The following CFAP54 variants were observed in gnomAD, a reference collection of about 807,000 sequenced individuals.
CFAP54 encodes cilia and flagella associated protein 54.
CFAP54 carries 290 observed loss-of-function variants against 370.4 expected under a neutral mutation model. That is an observed-to-expected ratio of 0.78 (90% CI 0.71 to 0.86). CFAP54 has a LOEUF of 0.86. Ranked by LOEUF, CFAP54 falls within the 40% of genes least tolerant of loss-of-function variation. The pLI, the probability that CFAP54 is intolerant of heterozygous loss-of-function variation, is 0.00. For synonymous variants in CFAP54, 1,206 were observed against 1,236.5 expected (o/e 0.98, Z 0.52); for missense variants, 3,399 against 3,528.7 (o/e 0.96, Z 0.93).
At chr12:96,758,886 C>T (rs1359053443) in intron 58 of CFAP54, among the ~76,000 whole-genome samples, 1 of 152,166 alleles carries the variant, frequency 6.6e-6, no homozygotes, top group East Asian at 1.9e-4. Flanking sequence ...TGCCGCCGGT[C>T]TGTGGGCCAC....
chr12:96,854,542 C>T (rs1464784279), intron 66 of CFAP54, among the ~76,000 whole-genome samples: 2 of 151,972 alleles, frequency 1.3e-5, no homozygotes, highest in African/African-American at 4.8e-5. Flanking sequence ...ATTGAAAGCA[C>T]TTGTGTACAA....
At chr12:96,842,933 A>G (rs1959237245) in intron 66 of CFAP54, among the ~76,000 whole-genome samples, 1 of 152,216 alleles carries the variant, frequency 6.6e-6, no homozygotes, top group Admixed American at 6.5e-5. Context: ...TGCTATAAGA[A>G]ATTGCCAGTT....
intron 4 of CFAP54, among the ~76,000 whole-genome samples, chr12:96,512,651 A>G (rs894630329): frequency 6.6e-6 from 1 of 151,946 alleles, no homozygotes; most frequent in Non-Finnish European, 1.5e-5. Context: ...GGAACCAGTA[A>G]TATTTTATAT....
rs148400282 is a variant in CFAP54, at chr12:96,766,568, AG to A, written c.8281+1351del. On this transcript the variant is annotated intron_variant, in intron 60 of 67. Transcript: ENST00000524981. ...CATTATTGTACAGTATTAATAATCA[AG>A]AGATTCAGTTGACATCCTAGCTCTC... Among the ~76,000 whole-genome samples the A allele has an allele frequency of 2.4e-3, 364 of 152,264 alleles. 2 individuals carry two copies. The highest frequency in any genetic ancestry group is 0.024 in the East Asian group (122 of 5,176).
At chr12:96,587,727 T>G (rs912549237) in intron 22 of CFAP54, among the ~76,000 whole-genome samples, 13 of 152,202 alleles carry the variant, frequency 8.5e-5, no homozygotes, top group Admixed American at 5.9e-4. Flanking sequence ...TCACCAACCC[T>G]CTTACACATC....
At chr12:96,838,912 A>G (rs1175671073) in intron 66 of CFAP54, among the ~76,000 whole-genome samples, 2 of 152,226 alleles carry the variant, frequency 1.3e-5, no homozygotes, top group Non-Finnish European at 2.9e-5. Context: ...CCAAAGCCAC[A>G]CAGCTGGTAA....
intron 63 of CFAP54, among the ~76,000 whole-genome samples, chr12:96,803,718 T>C (rs893033028): frequency 6.6e-6 from 1 of 152,022 alleles, no homozygotes. Flanking sequence ...CAACAACATA[T>C]ATACACCCTC....
chr12:96,703,140 G>A (rs1387417258), intron 46 of CFAP54, among the ~76,000 whole-genome samples: 1 of 152,016 alleles, frequency 6.6e-6, no homozygotes, highest in Non-Finnish European at 1.5e-5. Context: ...TATCGTTTTG[G>A]GAGGTTCCCT....
chr12:96,589,900 C>G (rs1014710925), intron 23 of CFAP54, among the ~76,000 whole-genome samples: 3 of 152,120 alleles, frequency 2.0e-5, no homozygotes, highest in Non-Finnish European at 4.4e-5. Flanking sequence ...GTGTGCACCA[C>G]CACGCCCTGC....
intron 65 of CFAP54, among the ~76,000 whole-genome samples, chr12:96,825,779 T>A (rs1592788566): frequency 7.8e-6 from 1 of 128,200 alleles, no homozygotes; most frequent in Non-Finnish European, 1.5e-5. Flanking sequence ...ATATTACATA[T>A]TATGTAACAT....
chr12:96,647,467 T>C (rs1213040073), intron 33 of CFAP54, among the ~76,000 whole-genome samples: 1 of 25,154 alleles, frequency 4.0e-5, no homozygotes, highest in Non-Finnish European at 9.1e-5. Flanking sequence ...AGCGAGACTC[T>C]GTCCCAAAAA....
At chr12:96,712,356 A>G (rs1957625382) in intron 48 of CFAP54, among the ~76,000 whole-genome samples, 1 of 152,118 alleles carries the variant, frequency 6.6e-6, no homozygotes, top group Non-Finnish European at 1.5e-5. Context: ...AAATTCTCAT[A>G]TGTACCAGGT....
intron 55 of CFAP54, among the ~76,000 whole-genome samples, chr12:96,745,374 C>G (rs927130629): frequency 6.6e-6 from 1 of 152,128 alleles, no homozygotes; most frequent in Admixed American, 6.5e-5. Context: ...TTAATAATAG[C>G]CATTCTGACT....
At chr12:96,539,871 T>C (rs970323625) in intron 13 of CFAP54, among the ~76,000 whole-genome samples, 9 of 152,156 alleles carry the variant, frequency 5.9e-5, no homozygotes, top group Non-Finnish European at 1.2e-4. Context: ...TTGAATATTA[T>C]AACCTGGAAA....
intron 39 of CFAP54, among the ~76,000 whole-genome samples, chr12:96,671,623 G>A (rs577888398): frequency 1.7e-3 from 260 of 152,216 alleles, no homozygotes; most frequent in Non-Finnish European, 3.3e-3. Context: ...TGTACCTATA[G>A]AAAGTCATTG....
intron 26 of CFAP54, among the ~76,000 whole-genome samples, chr12:96,613,129 C>A (rs984364689): frequency 1.5e-4 from 23 of 152,208 alleles, no homozygotes; most frequent in African/African-American, 5.3e-4. Flanking sequence ...AAGTAAAGCA[C>A]TCCTTAGCAA....
At chr12:96,784,094 C>A (rs565255262) in intron 60 of CFAP54, among the ~76,000 whole-genome samples, 8 of 152,258 alleles carry the variant, frequency 5.3e-5, no homozygotes, top group African/African-American at 1.9e-4. Context: ...TTTAAAGTTT[C>A]CTTTTTTAAT....
chr12:96,619,460 C>T (rs974244375), intron 26 of CFAP54, among the ~76,000 whole-genome samples: 2 of 128,550 alleles, frequency 1.6e-5, no homozygotes, highest in African/African-American at 5.9e-5. Flanking sequence ...TTGAGTCTTT[C>T]TTCTTTAAGC....
At chr12:96,686,289 C>T (rs556840437) in intron 42 of CFAP54, among the ~76,000 whole-genome samples, 1 of 152,186 alleles carries the variant, frequency 6.6e-6, no homozygotes, top group Non-Finnish European at 1.5e-5. Context: ...GATTAGGGCC[C>T]ACCTCTGTGG....
Sources: allele counts gnomAD v4.1 joint callset (sites outside exome capture counted in the v4.1 genomes callset), GRCh38; gene constraint gnomAD v4.1.1; transcripts MANE v1.5; gene names NCBI Gene and HGNC (gene_info 2026-07-23, HGNC 2026-07-21).